The following UMAD1 variants were observed in gnomAD, a reference collection of about 807,000 sequenced individuals.
The protein encoded by UMAD1 is UBAP1-MVB12-associated (UMA) domain containing 1.
In UMAD1, 8 loss-of-function variants were observed where a neutral mutation model predicts 6.1. The observed-to-expected ratio is 1.30, with a 90% CI of 0.76 to 2.35. The LOEUF is 2.35. UMAD1 is among the 30% of genes most tolerant of loss of function. The pLI is 0.00. For synonymous variants in UMAD1, 56 were observed against 31.4 expected, an observed-to-expected ratio of 1.78 and a Z score of -2.61; for missense variants, 130 against 78.4, an observed-to-expected ratio of 1.66 and a Z score of -2.49.
chr7:7,696,643 C>T (rs943238940), intron 2 of UMAD1, among the ~76,000 whole-genome samples: 2 of 152,264 alleles, frequency 1.3e-5, no homozygotes, highest in East Asian at 3.9e-4. Context: ...AGCTCTCCCT[C>T]ATACAGAACA....
chr7:7,743,491 T>C (rs973046959), intron 2 of UMAD1, among the ~76,000 whole-genome samples: 7 of 152,036 alleles, frequency 4.6e-5, no homozygotes, highest in Admixed American at 2.0e-4. Context: ...TTGATATCTT[T>C]TACAGATTTT....
At chr7:7,867,210 G>A (rs1389660860) in intron 3 of UMAD1, among the ~76,000 whole-genome samples, 1 of 152,210 alleles carries the variant, frequency 6.6e-6, no homozygotes, top group Non-Finnish European at 1.5e-5. Context: ...TGTGGAATAT[G>A]CAAAAGGAAA....
At chr7:7,675,994 A>C in intron 2 of UMAD1, 2 of 395,248 alleles carry the variant, frequency 5.1e-6, no homozygotes, top group Non-Finnish European at 8.9e-6. Flanking sequence ...TGTGGGTACC[A>C]TTACTCTCCT....
intron 2 of UMAD1, among the ~76,000 whole-genome samples, chr7:7,688,322 T>A (rs140248254): frequency 2.6e-5 from 4 of 152,320 alleles, no homozygotes; most frequent in African/African-American, 9.6e-5. Flanking sequence ...CATATCTCAT[T>A]GGGTACCTTT....
intron 2 of UMAD1, among the ~76,000 whole-genome samples, chr7:7,784,448 G>T (rs1278864548): frequency 3.3e-5 from 5 of 149,350 alleles, no homozygotes; most frequent in African/African-American, 1.2e-4. Context: ...CCCTTCTCCT[G>T]CCTCAGCCTC....
rs118022796 is a variant in UMAD1 at position 7,877,461 on chromosome 7, T to C, written c.337T>C (p.Ser113Pro). 3.5e-3 allele frequency: 2,508 copies of C among 717,686 alleles called. 8 individuals are homozygous for C. The highest frequency in any genetic ancestry group is 5.1e-3 in the Non-Finnish European group (1,977 of 385,134). The allele number at this position is 717,686 out of a possible 1,614,324, so 44.5% of individuals were successfully genotyped here. A position where few individuals can be genotyped will look rare whatever the true frequency, so the allele number is the denominator to read the frequency against. The change falls in exon 4 of 4, where the codon TCC becomes CCC. Residue 113 changes from serine (S) to proline (P), a missense_variant. Ser to Pro is a moderately conservative substitution (Grantham distance 74, BLOSUM62 -1). Transcript: ENST00000682710. ...TITDLPDHLL[S>P]YDGSENLSRF... Reference sequence around the variant, plus strand: ...CACTGACCTTCCCGACCACTTACTCTCCTATGATGGCAGCGAAAACTTATC... The same window carrying C: ...CACTGACCTTCCCGACCACTTACTCCCCTATGATGGCAGCGAAAACTTATC...
intron 2 of UMAD1, among the ~76,000 whole-genome samples, chr7:7,704,454 G>A (rs971148322): frequency 1.3e-5 from 2 of 151,736 alleles, no homozygotes; most frequent in African/African-American, 4.8e-5. Context: ...AACAACTGCT[G>A]CCATAAAGAA....
At chr7:7,746,251 A>G (rs1467793909) in intron 2 of UMAD1, among the ~76,000 whole-genome samples, 3 of 152,234 alleles carry the variant, frequency 2.0e-5, no homozygotes, top group Non-Finnish European at 4.4e-5. Context: ...TCACTTTGCA[A>G]CATCAGTTGG....
chr7:7,767,353 C>G (rs887120496), intron 2 of UMAD1, among the ~76,000 whole-genome samples: 2 of 151,202 alleles, frequency 1.3e-5, no homozygotes, highest in Non-Finnish European at 3.0e-5. Context: ...TCTCGATCTC[C>G]TGACCTCATG....
chr7:7,796,987 T>G (rs780439756), intron 2 of UMAD1, among the ~76,000 whole-genome samples: 5 of 152,182 alleles, frequency 3.3e-5, no homozygotes, highest in Non-Finnish European at 5.9e-5. Context: ...AGTGTATTAG[T>G]CTGTTTATGT....
chr7:7,669,581 A>G (rs568181509), intron 1 of UMAD1, among the ~76,000 whole-genome samples: 1 of 152,210 alleles, frequency 6.6e-6, no homozygotes, highest in Non-Finnish European at 1.5e-5. Flanking sequence ...GACTGACCTT[A>G]GGTACCTAGT....
intron 3 of UMAD1, among the ~76,000 whole-genome samples, chr7:7,876,649 C>T (rs1784425398): frequency 6.6e-6 from 1 of 152,090 alleles, no homozygotes; most frequent in Admixed American, 6.5e-5. Context: ...GTTCCAATGA[C>T]AATCAGACAA....
intron 3 of UMAD1, among the ~76,000 whole-genome samples, chr7:7,813,482 G>A (rs537012823): frequency 6.6e-6 from 1 of 152,296 alleles, no homozygotes; most frequent in Admixed American, 6.5e-5. Flanking sequence ...GGGATTACAG[G>A]CATGAGTGAC....
At chr7:7,792,556 T>C (rs1782586384) in intron 2 of UMAD1, among the ~76,000 whole-genome samples, 2 of 152,228 alleles carry the variant, frequency 1.3e-5, no homozygotes, top group Non-Finnish European at 2.9e-5. Context: ...TATTATGGAA[T>C]AATTTGTCAT....
chr7:7,683,968 G>A (rs1779978193), intron 2 of UMAD1, among the ~76,000 whole-genome samples: 1 of 152,158 alleles, frequency 6.6e-6, no homozygotes, highest in African/African-American at 2.4e-5. Flanking sequence ...CTTGGTATCT[G>A]TGGGAAATTG....
intron 2 of UMAD1, among the ~76,000 whole-genome samples, chr7:7,711,219 C>G (rs1483036922): frequency 3.3e-5 from 5 of 152,110 alleles, no homozygotes; most frequent in African/African-American, 1.2e-4. Context: ...TGGGATATTT[C>G]CATATAATTT....
chr7:7,814,720 A>G (rs73359404), intron 3 of UMAD1, among the ~76,000 whole-genome samples: 2,729 of 152,206 alleles, frequency 0.018, 70 homozygotes, highest in African/African-American at 0.061. Flanking sequence ...TCCTCTTTCA[A>G]ATCTCTGATA....
At chr7:7,849,814 G>T (rs1050905659) in intron 3 of UMAD1, among the ~76,000 whole-genome samples, 2 of 151,892 alleles carry the variant, frequency 1.3e-5, no homozygotes, top group Non-Finnish European at 2.9e-5. Flanking sequence ...GGTGAATGGG[G>T]TCACATACTT....
chr7:7,789,485 C>G lies in UMAD1; in HGVS notation c.83-12185C>G, dbSNP rs114967406. Among the ~76,000 whole-genome samples, 1,292 of 152,198 alleles carry G rather than the reference C, an allele frequency of 8.5e-3. 19 individuals carry two copies. The highest frequency in any genetic ancestry group is 0.03 in the African/African-American group (1,232 of 41,518). On this transcript the variant is annotated intron_variant, in intron 2 of 3. Transcript: ENST00000682710. The stretch of plus-strand genomic sequence containing the variant: ...AATTTTTTAATTACTAGTAATAAAA[C>G]CAATGTAATATTTGCCATCTTAAAC...
Sources: allele counts gnomAD v4.1 joint callset (sites outside exome capture counted in the v4.1 genomes callset), GRCh38; gene constraint gnomAD v4.1.1; transcripts MANE v1.5; gene names NCBI Gene and HGNC (gene_info 2026-07-23, HGNC 2026-07-21).